The following NTRK2 variants were observed in gnomAD, a reference collection of about 807,000 sequenced individuals.
NTRK2 encodes the protein neurotrophic receptor tyrosine kinase 2.
A neutral mutation model predicts 94.5 loss-of-function variants in NTRK2; 13 were observed. That is an observed-to-expected ratio of 0.14 (90% CI 0.09 to 0.22). NTRK2 has a LOEUF of 0.22. Ranked by LOEUF, NTRK2 falls within the 10% of genes least tolerant of loss-of-function variation. NTRK2 has a pLI of 1.00. For synonymous variants in NTRK2, 372 were observed against 407.4 expected (o/e 0.91, Z 1.05); for missense variants, 639 against 1,071.2 (o/e 0.60, Z 5.63).
At chr9:84,988,445 A>C (rs527841553) in intron 17 of NTRK2, among the ~76,000 whole-genome samples, 12 of 146,364 alleles carry the variant, frequency 8.2e-5, no homozygotes, top group Admixed American at 2.7e-4. Context: ...CTTTCACACA[A>C]ACACACACAC....
chr9:85,020,153 C>G, intron 17 of NTRK2, 53 bp from the exon 18 acceptor site: 1 of 1,606,522 alleles, frequency 6.2e-7, no homozygotes, highest in Non-Finnish European at 8.5e-7. Context: ...AGCTCCCTTC[C>G]ACACCTGGTT....
At chr9:84,708,561 C>A (rs1285919852) in intron 5 of NTRK2, among the ~76,000 whole-genome samples, 2 of 152,190 alleles carry the variant, frequency 1.3e-5, no homozygotes, top group Admixed American at 6.5e-5. Context: ...CCCCATTAAA[C>A]AAATATGAAC....
At chr9:84,844,832 T>C (rs999911715) in intron 12 of NTRK2, among the ~76,000 whole-genome samples, 12 of 151,030 alleles carry the variant, frequency 7.9e-5, no homozygotes, top group African/African-American at 2.9e-4. Flanking sequence ...AGAGGAAGAG[T>C]AAATACTAAA....
intron 16 of NTRK2, among the ~76,000 whole-genome samples, chr9:84,951,991 C>T (rs2078799995): frequency 6.6e-6 from 1 of 152,204 alleles, no homozygotes; most frequent in Non-Finnish European, 1.5e-5. Flanking sequence ...CATGTCTTTG[C>T]TTGCAAGGGT....
At chr9:84,676,480 G>C (rs770445188) in intron 2 of NTRK2, among the ~76,000 whole-genome samples, 8 of 152,148 alleles carry the variant, frequency 5.3e-5, no homozygotes, top group Non-Finnish European at 1.0e-4. Context: ...AAGGTCACAG[G>C]GTCAGTGTTC....
intron 6 of NTRK2, among the ~76,000 whole-genome samples, chr9:84,721,716 T>A (rs2062078481): frequency 6.6e-6 from 1 of 152,080 alleles, no homozygotes. Flanking sequence ...AAAGAAGAAG[T>A]TAAAAGAGAT....
At chr9:85,005,793 A>G (rs904587215) in intron 17 of NTRK2, among the ~76,000 whole-genome samples, 5 of 152,178 alleles carry the variant, frequency 3.3e-5, no homozygotes, top group Non-Finnish European at 7.4e-5. Flanking sequence ...CTGCTTAGCT[A>G]TCACCTACTC....
intron 12 of NTRK2, among the ~76,000 whole-genome samples, chr9:84,786,804 A>G (rs1203922825): frequency 6.6e-6 from 1 of 152,176 alleles, no homozygotes; most frequent in Non-Finnish European, 1.5e-5. Flanking sequence ...TGGACATGTA[A>G]GAGTGAAGGT....
At chr9:84,803,572 T>G (rs2070752914) in intron 12 of NTRK2, among the ~76,000 whole-genome samples, 1 of 152,174 alleles carries the variant, frequency 6.6e-6, no homozygotes, top group South Asian at 2.1e-4. Context: ...GGTCTGGGGA[T>G]GACCACTTGA....
At chr9:85,008,740 G>A (rs560230022) in intron 17 of NTRK2, among the ~76,000 whole-genome samples, 77 of 152,306 alleles carry the variant, frequency 5.1e-4, no homozygotes, top group African/African-American at 1.8e-3. Context: ...AACTCCAGGA[G>A]GAGGGGGAGA....
chr9:84,792,419 T>A (rs938674477), intron 12 of NTRK2, among the ~76,000 whole-genome samples: 2 of 152,214 alleles, frequency 1.3e-5, no homozygotes, highest in Admixed American at 6.5e-5. Flanking sequence ...GTTAAAAATA[T>A]CATTGGATTT....
chr9:84,832,253 C>T (rs1270813618), intron 12 of NTRK2, among the ~76,000 whole-genome samples: 1 of 152,190 alleles, frequency 6.6e-6, no homozygotes, highest in African/African-American at 2.4e-5. Flanking sequence ...AAGCAATTGG[C>T]ACCCACACAG....
chr9:84,952,772 T>C lies in NTRK2; in HGVS notation c.1938-2511T>C, dbSNP rs551399794. Among the ~76,000 whole-genome samples, 4 of 152,268 alleles carry C rather than the reference T, an allele frequency of 2.6e-5. No homozygotes were observed. The East Asian group carries it at 7.7e-4, about 29-fold the overall frequency. The stretch of plus-strand genomic sequence containing the variant: ...CCAACCCACACATACTAATATAAAG[T>C]GCATTAGGCATTTGAGGGCCACCAG... On this transcript the variant is annotated intron_variant, in intron 16 of 18. Transcript: ENST00000277120.
chr9:84,728,033 C>A, intron 9 of NTRK2, 74 bp downstream of exon 9: 1 of 1,389,774 alleles, frequency 7.2e-7, no homozygotes, highest in Non-Finnish European at 1.0e-6. Context: ...ATCATGTATA[C>A]AATAAGCCAT....
intron 14 of NTRK2, among the ~76,000 whole-genome samples, chr9:84,912,753 G>A (rs967079564): frequency 5.3e-5 from 8 of 151,190 alleles, no homozygotes; most frequent in South Asian, 2.1e-4. Flanking sequence ...AAGTAGCTGC[G>A]ACTACAGGCG....
intron 11 of NTRK2, among the ~76,000 whole-genome samples, chr9:84,749,386 C>T (rs1356675815): frequency 1.3e-5 from 2 of 152,184 alleles, no homozygotes; most frequent in African/African-American, 2.4e-5. Context: ...TTATTTAATG[C>T]TCTTCTCATC....
At chr9:84,686,715 G>A (rs1009598123) in intron 2 of NTRK2, among the ~76,000 whole-genome samples, 3 of 152,044 alleles carry the variant, frequency 2.0e-5, no homozygotes, top group African/African-American at 7.2e-5. Context: ...AAATGCATTG[G>A]GCTGATCCTA....
intron 12 of NTRK2, among the ~76,000 whole-genome samples, chr9:84,820,014 T>G (rs1004468991): frequency 1.3e-5 from 2 of 152,086 alleles, no homozygotes; most frequent in Admixed American, 6.5e-5. Flanking sequence ...CTCTTCCAAC[T>G]CCAGTAAATA....
intron 14 of NTRK2, among the ~76,000 whole-genome samples, chr9:84,888,723 T>G (rs890949935): frequency 2.0e-5 from 3 of 150,734 alleles, no homozygotes; most frequent in Non-Finnish European, 4.4e-5. Context: ...TTTACCTTTT[T>G]GTAACCAGGC....
Sources: gnomAD v4.1 joint callset for allele counts (sites outside exome capture counted in the v4.1 genomes callset) on GRCh38, gnomAD v4.1.1 for gene constraint, MANE v1.5 for transcripts, NCBI Gene and HGNC (gene_info 2026-07-23, HGNC 2026-07-21) for gene names.